TMEM232: variants seen among roughly 807,000 people sequenced by gnomAD.
The protein encoded by TMEM232 is transmembrane protein 232.
A neutral mutation model predicts 78.8 loss-of-function variants in TMEM232; 80 were observed. The observed-to-expected ratio is 1.01, with a 90% CI of 0.85 to 1.22. The LOEUF (loss-of-function observed/expected upper bound fraction) is 1.22, where lower values mean the gene tolerates loss of function less well. Among genes scored for constraint, TMEM232 ranks in the 50% most tolerant of loss-of-function variants. TMEM232 has a pLI of 0.00. For synonymous variants in TMEM232, 297 were observed against 254.3 expected (o/e 1.17, Z -1.60); for missense variants, 881 against 742.2 (o/e 1.19, Z -2.17).
At chr5:110,560,006 C>G (rs1360628173) in intron 11 of TMEM232, among the ~76,000 whole-genome samples, 1 of 152,128 alleles carries the variant, frequency 6.6e-6, no homozygotes, top group Non-Finnish European at 1.5e-5. Flanking sequence ...GGATTAGGGG[C>G]CCATCTACTC....
At chr5:110,564,941 C>A (rs1234107955) in intron 11 of TMEM232, among the ~76,000 whole-genome samples, 1 of 151,914 alleles carries the variant, frequency 6.6e-6, no homozygotes, top group Non-Finnish European at 1.5e-5. Context: ...TTCAAGCCTG[C>A]TATCTCATAG....
intron 10 of TMEM232, among the ~76,000 whole-genome samples, chr5:110,604,431 A>G (rs1174202885): frequency 6.6e-6 from 1 of 152,164 alleles, no homozygotes; most frequent in Non-Finnish European, 1.5e-5. Context: ...TGAGTGAAGT[A>G]ATTGTAGAGA....
intron 3 of TMEM232, among the ~76,000 whole-genome samples, chr5:110,391,676 C>T (rs369145981): frequency 1.3e-5 from 2 of 151,994 alleles, no homozygotes; most frequent in East Asian, 1.9e-4. Context: ...TTGTACATAT[C>T]GTATTTTCTT....
At chr5:110,622,955 C>T (rs1281632358) in intron 7 of TMEM232, among the ~76,000 whole-genome samples, 1 of 151,404 alleles carries the variant, frequency 6.6e-6, no homozygotes, top group East Asian at 1.9e-4. Context: ...AACTAACCTG[C>T]ACATTGTGCA....
chr5:110,480,388 A>G (rs1763730496), intron 12 of TMEM232, among the ~76,000 whole-genome samples: 1 of 152,054 alleles, frequency 6.6e-6, no homozygotes, highest in African/African-American at 2.4e-5. Context: ...TGAAGAAGTT[A>G]CAGATGTTTC....
At chr5:110,644,421 A>T (rs1561443586) in intron 2 of TMEM232, among the ~76,000 whole-genome samples, 1 of 151,916 alleles carries the variant, frequency 6.6e-6, no homozygotes, top group Non-Finnish European at 1.5e-5. Flanking sequence ...TGTTTTTAAT[A>T]ACCCAAACAT....
intron 12 of TMEM232, among the ~76,000 whole-genome samples, chr5:110,522,275 C>T (rs999104030): frequency 6.6e-6 from 1 of 152,098 alleles, no homozygotes; most frequent in Non-Finnish European, 1.5e-5. Flanking sequence ...ACTCTGTATC[C>T]TGCAACTTTA....
intron 8 of TMEM232, among the ~76,000 whole-genome samples, chr5:110,614,077 T>C (rs1230646237): frequency 6.6e-6 from 1 of 152,114 alleles, no homozygotes; most frequent in African/African-American, 2.4e-5. Context: ...GAATCAAAAC[T>C]ATTTGGCAGT....
chr5:110,605,734 A>T (rs1439934896), intron 9 of TMEM232, among the ~76,000 whole-genome samples: 1 of 152,114 alleles, frequency 6.6e-6, no homozygotes, highest in African/African-American at 2.4e-5. Flanking sequence ...TATCTTATGG[A>T]GAATAATTTG....
At chr5:110,587,475 T>A (rs1778952038) in intron 10 of TMEM232, among the ~76,000 whole-genome samples, 1 of 152,034 alleles carries the variant, frequency 6.6e-6, no homozygotes, top group African/African-American at 2.4e-5. Context: ...CTAAGTTATG[T>A]TAGTTTGTTG....
chr5:110,652,294 G>GCACACACACACACACACACACA lies in TMEM232; in HGVS notation c.126-9945_126-9924dup, dbSNP rs70999969. Among the ~76,000 whole-genome samples, 48 of 145,448 alleles carry GCACACACACACACACACACACA rather than the reference G, an allele frequency of 3.3e-4. 1 individual carries two copies. Among genetic ancestry groups the GCACACACACACACACACACACA allele is most frequent in the South Asian group, 1.3e-3 (6 of 4,534 alleles). ...CAAGCACACAAAAGTGCACGCGCGCGCACACACACACACACACACACACAC... is the reference window on the plus strand; with the variant it reads ...CAAGCACACAAAAGTGCACGCGCGCGCACACACACACACACACACACACACACACACACACACACACACACAC... On this transcript the variant is annotated intron_variant, in intron 2 of 13. Coordinates refer to ENST00000455884, the MANE Select transcript of TMEM232 (RefSeq NM_001039763.4).
intron 11 of TMEM232, among the ~76,000 whole-genome samples, chr5:110,564,353 A>G (rs1776088874): frequency 6.6e-6 from 1 of 151,984 alleles, no homozygotes; most frequent in Non-Finnish European, 1.5e-5. Context: ...CAATGGAAAA[A>G]TCATGTGTAT....
chr5:110,562,117 G>A (rs970285178), intron 11 of TMEM232, among the ~76,000 whole-genome samples: 4 of 151,978 alleles, frequency 2.6e-5, no homozygotes, highest in Non-Finnish European at 4.4e-5. Context: ...ATAGGAAGTC[G>A]TACACTTAAG....
chr5:110,417,824 C>CAGGATGAGAGGGAAGAAAAT (rs1756301542), downstream of TMEM232: 1 of 152,082 alleles, frequency 6.6e-6, no homozygotes, highest in African/African-American at 2.4e-5. Context: ...GAACAGGAAG[C>CAGGATGAGAGGGAAGAAAAT]ACATCAGGAA....
In TMEM232 at chr5:110,450,629, A is replaced by G. The variant is rs574009401; in HGVS notation, c.1704-25713T>C. Among the ~76,000 whole-genome samples, 55 of 152,298 alleles carry G rather than the reference A, an allele frequency of 3.6e-4. 1 individual carries two copies. The East Asian group carries it at 0.01, about 28-fold the overall frequency. On this transcript the variant is annotated intron_variant, in intron 12 of 13. Transcript: ENST00000455884. ...AAGGACATGAATCAAAACAGGTGTC[A>G]GGCAGATTCTAATGAATCAGAACAG...
chr5:110,536,506 G>A (rs12189010), intron 11 of TMEM232, among the ~76,000 whole-genome samples: 9,458 of 152,218 alleles, frequency 0.062, 468 homozygotes, highest in South Asian at 0.2. Flanking sequence ...GTGAACTCAC[G>A]TTTCAGGCCA....
chr5:110,431,175 C>CTAAAG (rs1193788693), intron 12 of TMEM232, among the ~76,000 whole-genome samples: 4 of 151,548 alleles, frequency 2.6e-5, no homozygotes, highest in African/African-American at 7.2e-5. Flanking sequence ...CAAGAATGTT[C>CTAAAG]TAAAGTATTA....
chr5:110,516,909 C>G (rs1768753647), intron 12 of TMEM232, among the ~76,000 whole-genome samples: 1 of 152,150 alleles, frequency 6.6e-6, no homozygotes, highest in Admixed American at 6.5e-5. Flanking sequence ...CTCATCTCCT[C>G]CTTTCTAGAA....
At chr5:110,638,643 A>ATC (rs747353139) in intron 4 of TMEM232, among the ~76,000 whole-genome samples, 3 of 151,804 alleles carry the variant, frequency 2.0e-5, no homozygotes, top group East Asian at 3.9e-4. Context: ...TTCCACCTGG[A>ATC]TCTCTCTCTC....
Sources: allele counts gnomAD v4.1 joint callset (sites outside exome capture counted in the v4.1 genomes callset), GRCh38; gene constraint gnomAD v4.1.1; transcripts MANE v1.5; gene names NCBI Gene and HGNC (gene_info 2026-07-23, HGNC 2026-07-21).